ABR: variants seen among roughly 807,000 people sequenced by gnomAD.
ABR encodes active breakpoint cluster region-related protein.
ABR carries 35 observed loss-of-function variants against 107.2 expected under a neutral mutation model. The observed-to-expected ratio is 0.33, with a 90% CI of 0.25 to 0.43. The LOEUF (loss-of-function observed/expected upper bound fraction) is 0.43. ABR is among the 20% of genes least tolerant of loss of function. The pLI is 1.00. For synonymous variants in ABR, 498 were observed against 462.0 expected (o/e 1.08, Z -1.00); for missense variants, 815 against 1,115.2 (o/e 0.73, Z 3.83).
intron 16 of ABR, among the ~76,000 whole-genome samples, chr17:1,016,317 C>CTTTTTT (rs151002591): frequency 1.5e-5 from 2 of 134,914 alleles, no homozygotes; most frequent in Admixed American, 7.5e-5. Flanking sequence ...CCCAACGTTT[C>CTTTTTT]TTTTTTTTTT....
At chr17:1,064,073 T>G (rs1247559194) in intron 10 of ABR, among the ~76,000 whole-genome samples, 1 of 139,698 alleles carries the variant, frequency 7.2e-6, no homozygotes, top group African/African-American at 2.7e-5. Flanking sequence ...GACACTGTTG[T>G]TACGTGAACT....
intron 2 of ABR, among the ~76,000 whole-genome samples, chr17:1,113,693 C>G (rs544687360): frequency 6.6e-6 from 1 of 152,216 alleles, no homozygotes; most frequent in African/African-American, 2.4e-5. Flanking sequence ...TCAGAGCCCA[C>G]TCTACGTTCC....
intron 10 of ABR, among the ~76,000 whole-genome samples, chr17:1,060,997 C>G (rs1449887862): frequency 6.7e-6 from 1 of 149,428 alleles, no homozygotes; most frequent in Non-Finnish European, 1.5e-5. Context: ...GACTCCATCT[C>G]AAAAAAAAAC....
upstream of ABR, among the ~76,000 whole-genome samples, chr17:1,191,505 C>T (rs2042435390): frequency 6.6e-6 from 1 of 151,892 alleles, no homozygotes; most frequent in Non-Finnish European, 1.5e-5. Context: ...CTACAGGCGC[C>T]CGCCACCATG....
At chr17:1,185,356 C>A (rs1014014969) in intron 1 of ABR, among the ~76,000 whole-genome samples, 1 of 152,072 alleles carries the variant, frequency 6.6e-6, no homozygotes, top group Non-Finnish European at 1.5e-5. Context: ...AGACAGTATG[C>A]GCCCAGGGCC....
At chr17:1,045,857 C>G (rs1324897984) in intron 16 of ABR, among the ~76,000 whole-genome samples, 1 of 152,130 alleles carries the variant, frequency 6.6e-6, no homozygotes, top group East Asian at 1.9e-4. Context: ...CTAAGTACCC[C>G]TCCTGCTGTT....
chr17:1,176,171 C>T (rs954632126), intron 1 of ABR, among the ~76,000 whole-genome samples: 8 of 151,322 alleles, frequency 5.3e-5, no homozygotes, highest in Non-Finnish European at 1.2e-4. Context: ...AGCCACCAGC[C>T]TCAGTGGGTT....
In ABR at chr17:1,031,875, C is replaced by A. The variant is rs1371309298; in HGVS notation, c.1791+18175G>T. On this transcript the variant is annotated intron_variant, in intron 16 of 22. Transcript: ENST00000302538. ...CTCCCTCCCTCCCTCCCTCCCCGCG[C>A]TCCCCTCCCTCCCTCCCTCCGTCCG... The A allele has an allele frequency of 8.5e-6, 10 of 1,178,930 alleles. No homozygotes were observed. In the African/African-American group the frequency reaches 8.8e-5, roughly 10 times the overall value. The allele number at this position is 1,178,930 out of a possible 1,614,324, so 73.0% of individuals were successfully genotyped here.
rs2069999715 is a variant in ABR at position 1,006,049 on chromosome 17, C to T, written c.*31G>A. On this transcript the variant is annotated 3_prime_UTR_variant, in exon 23 of 23. Coordinates refer to ENST00000302538, the MANE Select transcript of ABR (RefSeq NM_021962.5). ...GACCCCAGGCTGGAGGGGCTGGTTC[C>T]ACCACCCGCCCGCAGCCACCCTGCC... is the stretch of plus-strand genomic sequence containing the variant. 2 of 1,531,074 alleles carry T rather than the reference C, an allele frequency of 1.3e-6. No individual in the cohort carries two copies. The highest frequency in any genetic ancestry group is 1.8e-6 in the Non-Finnish European group (2 of 1,128,282). The allele number at this position is 1,531,074 out of a possible 1,614,324, so 94.8% of individuals were successfully genotyped here.
chr17:1,053,313 GTT>G (rs2032782824), intron 14 of ABR, among the ~76,000 whole-genome samples: 2 of 84,808 alleles, frequency 2.4e-5, no homozygotes, highest in African/African-American at 5.2e-5. Context: ...CTGGGGGAGG[GTT>G]CACAGGGTCA....
intron 16 of ABR, among the ~76,000 whole-genome samples, chr17:1,047,175 C>G (rs908138047): frequency 6.6e-6 from 1 of 152,256 alleles, no homozygotes; most frequent in Non-Finnish European, 1.5e-5. Flanking sequence ...TACAGGCCCC[C>G]TGAATATCCC....
At chr17:1,160,282 C>CCACACA (rs112524650) in intron 1 of ABR, among the ~76,000 whole-genome samples, 183 of 148,806 alleles carry the variant, frequency 1.2e-3, no homozygotes, top group African/African-American at 4.3e-3. Flanking sequence ...CAAAAAAAAA[C>CCACACA]CACACACACA....
At chr17:1,217,101 G>T (rs1423827020) in intron 1 of ABR, among the ~76,000 whole-genome samples, 1 of 152,092 alleles carries the variant, frequency 6.6e-6, no homozygotes, top group African/African-American at 2.4e-5. Context: ...AGTGGGCTCT[G>T]GATTCCTCAA....
chr17:1,101,722 C>T (rs185189178), intron 2 of ABR, among the ~76,000 whole-genome samples: 545 of 151,604 alleles, frequency 3.6e-3, no homozygotes, highest in Middle Eastern at 6.8e-3. Context: ...GTGGGAAAGA[C>T]ATTTATTTTT....
At chr17:1,072,534 C>T (rs937073657) in intron 8 of ABR, 80 bp downstream of exon 8, 98 of 1,346,848 alleles carry the variant, frequency 7.3e-5, no homozygotes, top group Middle Eastern at 3.8e-4. Flanking sequence ...AGGGACCTGC[C>T]GCCCGTGTGT....
chr17:1,047,620 C>G (rs1316696461), intron 16 of ABR, among the ~76,000 whole-genome samples: 1 of 152,240 alleles, frequency 6.6e-6, no homozygotes, highest in Non-Finnish European at 1.5e-5. Flanking sequence ...CAGCTGGCAG[C>G]AGGAAGGTTT....
intron 16 of ABR, among the ~76,000 whole-genome samples, chr17:1,024,315 G>A (rs73285544): frequency 0.029 from 4,431 of 152,318 alleles, 141 homozygotes; most frequent in East Asian, 0.12. Context: ...GGAGCCCGGC[G>A]TCTCCAGACG....
At chr17:1,088,389 T>G (rs2036769908) in intron 4 of ABR, among the ~76,000 whole-genome samples, 1 of 151,126 alleles carries the variant, frequency 6.6e-6, no homozygotes, top group African/African-American at 2.4e-5. Context: ...CAGGGGGGGG[T>G]ATGCTAGAAC....
intron 16 of ABR, among the ~76,000 whole-genome samples, chr17:1,038,513 G>A (rs547185599): frequency 3.0e-4 from 45 of 152,318 alleles, no homozygotes; most frequent in Admixed American, 2.6e-3. Flanking sequence ...CTCCAGCCGC[G>A]CTAGGGTCTT....
Sources: gnomAD v4.1 joint callset for allele counts (sites outside exome capture counted in the v4.1 genomes callset) on GRCh38, gnomAD v4.1.1 for gene constraint, MANE v1.5 for transcripts, NCBI Gene and HGNC (gene_info 2026-07-23, HGNC 2026-07-21) for gene names.